Variants in PCDHA3 observed in about 807,000 individuals in gnomAD.
PCDHA3 encodes protocadherin alpha 3.
PCDHA3 carries 41 observed loss-of-function variants against 62.2 expected under a neutral mutation model. The ratio of observed to expected loss-of-function variants is 0.66; its 90% CI spans 0.51 to 0.86. PCDHA3 has a LOEUF of 0.86. PCDHA3 is among the 40% of genes least tolerant of loss of function. PCDHA3 has a pLI of 0.00. For missense variants in PCDHA3, 1,304 were observed against 1,241.2 expected, an observed-to-expected ratio of 1.05 and a Z score of -0.76; for synonymous variants, 640 against 555.4, an observed-to-expected ratio of 1.15 and a Z score of -2.14.
intron 1 of PCDHA3, chr5:140,809,344 C>G (rs782610697): frequency 5.6e-6 from 9 of 1,613,964 alleles, no homozygotes; most frequent in African/African-American, 1.3e-5. Flanking sequence ...TGCTGTACAC[C>G]GCGCTGCGGT....
At chr5:140,866,739 C>T (rs1198771092) in intron 1 of PCDHA3, 5 of 152,124 alleles carry the variant, frequency 3.3e-5, no homozygotes, top group African/African-American at 4.8e-5. Context: ...CACTCTAATA[C>T]TTATATGACT....
chr5:140,850,928 T>A (rs2150502915), intron 1 of PCDHA3: 1 of 1,520,688 alleles, frequency 6.6e-7, no homozygotes, highest in Non-Finnish European at 8.8e-7. Context: ...ATATAATTTT[T>A]TTTCTTGAAA....
At chr5:140,982,191 T>C (rs1431582069) in intron 2 of PCDHA3, among the ~76,000 whole-genome samples, 2 of 152,266 alleles carry the variant, frequency 1.3e-5, no homozygotes, top group Non-Finnish European at 2.9e-5. Flanking sequence ...ATGGGCTTCC[T>C]GTTAGATTTA....
Position 140,842,669 on chromosome 5 carries a change from G to A in PCDHA3, c.2394+39078G>A, listed in dbSNP as rs1554139258. 2.5e-6 allele frequency: 4 copies of A among 1,595,384 alleles called. No homozygotes were observed. The highest frequency in any genetic ancestry group is 3.4e-5 in the Admixed American group (2 of 59,244). ...GTCTGTGGAGGTGGCCGACGTGAAC[G>A]ACAATGCTCCGGCGTTCGCGCAGCC... On this transcript the variant is annotated intron_variant, in intron 1 of 3. Transcript: ENST00000522353.
At position 140,822,662 on chromosome 5, in the gene PCDHA3, C is replaced by T. The variant is rs2150118346; in HGVS notation, c.2394+19071C>T. 4.4e-6 allele frequency: 7 copies of T among 1,608,370 alleles called. No individual in the cohort carries two copies. In the African/African-American group the frequency reaches 5.4e-5, roughly 12 times the overall value. On this transcript the variant is annotated intron_variant, in intron 1 of 3. Transcript: ENST00000522353. The stretch of plus-strand genomic sequence containing the variant: ...GTAAAGTCCAAATTTATAATTAATT[C>T]TAATACTGGTGAAATAAAAGTTAAC...
intron 1 of PCDHA3, among the ~76,000 whole-genome samples, chr5:140,840,993 A>C (rs1209699750): frequency 6.6e-6 from 1 of 152,060 alleles, no homozygotes; most frequent in Admixed American, 6.6e-5. Flanking sequence ...AGCTGAAACT[A>C]ATGTAAGGAG....
intron 1 of PCDHA3, among the ~76,000 whole-genome samples, chr5:140,947,744 TG>T (rs1227312993): frequency 6.6e-6 from 1 of 151,630 alleles, no homozygotes; most frequent in Non-Finnish European, 1.5e-5. Flanking sequence ...CCTATTCTTA[TG>T]TATTTTATGG....
chr5:140,882,771 T>C (rs148644909), intron 1 of PCDHA3: 19 of 1,614,110 alleles, frequency 1.2e-5, no homozygotes, highest in Non-Finnish European at 1.6e-5. Context: ...AACTCGGCAT[T>C]GACCTACCGA....
intron 3 of PCDHA3, among the ~76,000 whole-genome samples, chr5:141,003,622 A>G (rs1554259173): frequency 6.6e-6 from 1 of 152,196 alleles, no homozygotes; most frequent in Non-Finnish European, 1.5e-5. Context: ...CCCAGAGGGC[A>G]GTTTTTAAAG....
At chr5:140,821,538 C>G (rs966237749) in intron 1 of PCDHA3, 2 of 468,182 alleles carry the variant, frequency 4.3e-6, no homozygotes, top group Non-Finnish European at 7.4e-6. Context: ...AAAACACTTA[C>G]CCTTTCATCC....
intron 1 of PCDHA3, among the ~76,000 whole-genome samples, chr5:140,954,317 G>A (rs571385484): frequency 2.6e-5 from 4 of 152,292 alleles, no homozygotes; most frequent in East Asian, 3.9e-4. Context: ...GGATTGCTGC[G>A]TCAAATGGTA....
intron 1 of PCDHA3, chr5:140,852,001 C>G (rs2042214693): frequency 1.0e-6 from 1 of 975,480 alleles, no homozygotes; most frequent in East Asian, 1.1e-4. Context: ...TGTTTGTTTT[C>G]TAATTTATAG....
At chr5:140,840,932 A>C (rs1391347019) in intron 1 of PCDHA3, among the ~76,000 whole-genome samples, 1 of 152,030 alleles carries the variant, frequency 6.6e-6, no homozygotes, top group African/African-American at 2.4e-5. Flanking sequence ...AATTGATACG[A>C]TATTTGAAAT....
At chr5:140,870,401 C>A in intron 1 of PCDHA3, 1 of 1,614,252 alleles carries the variant, frequency 6.2e-7, no homozygotes, top group Non-Finnish European at 8.5e-7. Context: ...GGTTCGCCTT[C>A]TCTGTGGGCC....
In PCDHA3 at chr5:140,929,288, G is replaced by A. The variant is rs386352346; in HGVS notation, c.2395-49661G>A. 3.1e-6 allele frequency: 5 copies of A among 1,597,514 alleles called. No homozygotes were observed. Among genetic ancestry groups the A allele is most frequent in the Non-Finnish European group, 3.4e-6 (4 of 1,168,792 alleles). On this transcript the variant is annotated intron_variant, in intron 1 of 3. Transcript: ENST00000522353. ...TTGCCAATATCCTGTATTCAGATTC[G>A]GAATAGGAAAGGGGATCACGCTAAT... is the stretch of plus-strand genomic sequence containing the variant.
intron 1 of PCDHA3, among the ~76,000 whole-genome samples, chr5:140,818,390 A>G (rs1766348268): frequency 6.6e-6 from 1 of 152,186 alleles, no homozygotes; most frequent in South Asian, 2.1e-4. Context: ...GCATTTTTCC[A>G]TTTTAGAATT....
chr5:140,908,090 G>A (rs1198966409), intron 1 of PCDHA3, among the ~76,000 whole-genome samples: 1 of 152,200 alleles, frequency 6.6e-6, no homozygotes. Flanking sequence ...CAGGTGCACT[G>A]ATTGAAGTTC....
chr5:140,857,491 G>A, intron 1 of PCDHA3: 2 of 1,598,340 alleles, frequency 1.3e-6, no homozygotes, highest in Non-Finnish European at 1.7e-6. Flanking sequence ...CGTGGGACGC[G>A]GACGCGCAGG....
In PCDHA3 at chr5:140,803,185, C is replaced by A. The variant is rs1554122631; in HGVS notation, c.1988C>A (p.Ala663Asp). 1 of 1,613,958 alleles carries A rather than the reference C, an allele frequency of 6.2e-7. No homozygotes were observed. The highest frequency in any genetic ancestry group is 1.1e-5 in the South Asian group (1 of 91,084). Residue 663 changes from alanine (A) to aspartate (D), a missense_variant, in exon 1 of 4, where the codon GCC (alanine) becomes GAC (aspartate). Physicochemically the swap from Ala to Asp is moderately radical, Grantham distance 126 (BLOSUM62 -2). Coordinates refer to ENST00000522353, the MANE Select transcript of PCDHA3 (RefSeq NM_018906.3). Reference sequence around the variant, plus strand: ...GGTGAACCCTCATTGACCGCCACGGCCACTGTGCTGGTGTCGCTGGTGGAG... The same window carrying A: ...GGTGAACCCTCATTGACCGCCACGGACACTGTGCTGGTGTCGCTGGTGGAG... ...DHGEPSLTAT[A>D]TVLVSLVESG...
Sources: gnomAD v4.1 joint callset for allele counts (sites outside exome capture counted in the v4.1 genomes callset) on GRCh38, gnomAD v4.1.1 for gene constraint, MANE v1.5 for transcripts, NCBI Gene and HGNC (gene_info 2026-07-23, HGNC 2026-07-21) for gene names.